The following ANKRD22 variants were observed in gnomAD, a reference collection of about 807,000 sequenced individuals.
ANKRD22 encodes ankyrin repeat domain 22.
In ANKRD22, 24 loss-of-function variants were observed where a neutral mutation model predicts 25.7. That is an observed-to-expected ratio of 0.93 (90% CI 0.68 to 1.31). The LOEUF (loss-of-function observed/expected upper bound fraction) is 1.31. Among genes scored for constraint, ANKRD22 ranks in the 50% most tolerant of loss-of-function variants. The pLI is 0.00. For synonymous variants in ANKRD22, 84 were observed against 84.3 expected (o/e 1.00, Z 0.02); for missense variants, 214 against 227.1 (o/e 0.94, Z 0.37).
In ANKRD22 at chr10:88,820,731, T is replaced by C. The variant is rs906805727; in HGVS notation, c.*2210A>G. 3.3e-5 allele frequency among the ~76,000 whole-genome samples: 5 copies of C among 152,352 alleles called. No homozygotes were observed. The East Asian group carries it at 9.6e-4, about 29-fold the overall frequency. On this transcript the variant is annotated 3_prime_UTR_variant, in exon 6 of 6. Transcript: ENST00000371930. ...TTCTACCATCTTGAAGGGTAGGTTT[T>C]ACCTGATAGCCAGAAAATATCTAGA...
At chr10:88,825,898 T>TG (rs1843851170) in intron 4 of ANKRD22, 140 bp downstream of exon 4, 1 of 687,736 alleles carries the variant, frequency 1.5e-6, no homozygotes, top group East Asian at 2.9e-5. Context: ...TGCCTGTCAG[T>TG]GGGAAAAAAA....
rs201744509 is a variant in ANKRD22, at chr10:88,826,061, C to T, written c.376G>A (p.Val126Ile). Residue 126 changes from valine (V) to isoleucine (I), a missense_variant, in exon 4 of 6, where the codon GTC becomes ATC. Val to Ile is a conservative substitution (Grantham distance 29). Coordinates refer to ENST00000371930, the MANE Select transcript of ANKRD22 (RefSeq NM_144590.3). ...ALVRMLLDAG[V>I]EVNATDCYGC... ...ACACAATCTGTAGCATTAACTTCGACGCCAGCATCAAGTAGCATTCGTACA... is the reference window on the plus strand; with the variant it reads ...ACACAATCTGTAGCATTAACTTCGATGCCAGCATCAAGTAGCATTCGTACA... The T allele has an allele frequency of 1.0e-4, 162 of 1,612,620 alleles. No homozygotes were observed. Among genetic ancestry groups the T allele is most frequent in the Admixed American group, 1.3e-4 (8 of 59,870 alleles).
chr10:88,822,544 C>CTTTGTTTTTTTTTTTTTTTTTTTTT lies in ANKRD22; in HGVS notation c.*396_*397insAAAAAAAAAAAAAAAAAAAAACAAA, dbSNP rs1843808574. The CTTTGTTTTTTTTTTTTTTTTTTTTT allele has an allele frequency of 8.2e-5, 3 of 36,438 alleles. No individual in the cohort carries two copies. The highest frequency in any genetic ancestry group is 7.3e-4 in the East Asian group (1 of 1,370). The allele number at this position is 36,438 out of a possible 1,614,324, so 2.3% of individuals were successfully genotyped here. ...AAAGACTGAGTTTGGAACACCAGGGCTTTTTTTTTTTTTTTTTTTTTTGAG... is the reference window on the plus strand; with the variant it reads ...AAAGACTGAGTTTGGAACACCAGGGCTTTGTTTTTTTTTTTTTTTTTTTTTTTTTTTTTTTTTTTTTTTTTTTGAG... On this transcript the variant is annotated 3_prime_UTR_variant, in exon 6 of 6. Coordinates refer to ENST00000371930, the MANE Select transcript of ANKRD22 (RefSeq NM_144590.3).
intron 1 of ANKRD22, among the ~76,000 whole-genome samples, chr10:88,847,179 A>C (rs1228037708): frequency 6.6e-6 from 1 of 152,058 alleles, no homozygotes; most frequent in Non-Finnish European, 1.5e-5. Context: ...TTTTTCATTA[A>C]CTTCAGCATA....
intron 1 of ANKRD22, among the ~76,000 whole-genome samples, chr10:88,833,612 CTA>C (rs1410830123): frequency 6.6e-6 from 1 of 152,152 alleles, no homozygotes; most frequent in Non-Finnish European, 1.5e-5. Context: ...AATAAGTGAA[CTA>C]TGTTATACTC....
At chr10:88,848,760 T>C (rs76240008) in intron 1 of ANKRD22, among the ~76,000 whole-genome samples, 4,337 of 152,278 alleles carry the variant, frequency 0.028, 79 homozygotes, top group Non-Finnish European at 0.041. Context: ...TGCTTGACTT[T>C]CAGTCCAATG....
chr10:88,835,234 T>G (rs1298666497), intron 1 of ANKRD22, among the ~76,000 whole-genome samples: 3 of 152,200 alleles, frequency 2.0e-5, no homozygotes, highest in Admixed American at 1.3e-4. Flanking sequence ...GAGGGCTTTC[T>G]CAACCCCATT....
chr10:88,844,939 C>T (rs1020782272), intron 1 of ANKRD22, among the ~76,000 whole-genome samples: 2 of 152,098 alleles, frequency 1.3e-5, no homozygotes, highest in African/African-American at 4.8e-5. Flanking sequence ...AGCTTTGAAC[C>T]TGTCTTTCTG....
intron 1 of ANKRD22, 141 bp from the exon 2 acceptor site, chr10:88,832,167 G>T: frequency 1.1e-6 from 1 of 905,138 alleles, no homozygotes; most frequent in Non-Finnish European, 1.6e-6. Context: ...AGATTTTTTG[G>T]TCTCAGTTAT....
intron 1 of ANKRD22, among the ~76,000 whole-genome samples, chr10:88,834,127 C>A (rs1263637994): frequency 1.3e-5 from 2 of 152,210 alleles, no homozygotes; most frequent in East Asian, 3.8e-4. Context: ...TTAAATAAAA[C>A]CTTCAGTGAC....
rs1009295673 is a variant in ANKRD22 at position 88,848,617 on chromosome 10, G to A, written c.21+2970C>T. Among the ~76,000 whole-genome samples, 68 of 152,070 alleles carry A rather than the reference G, an allele frequency of 4.5e-4. 5 individuals carry two copies. ...CCTTTCTCATATCACAGAATGACAC[G>A]ATGTTAAATGTGAAACCAGATCTCA... On this transcript the variant is annotated intron_variant, in intron 1 of 5. Coordinates refer to ENST00000371930, the MANE Select transcript of ANKRD22 (RefSeq NM_144590.3).
Position 88,820,594 on chromosome 10 carries a change from C to A in ANKRD22, c.*2347G>T. 7.9e-7 allele frequency: 1 copy of A among 1,260,016 alleles called. No homozygotes were observed. Among genetic ancestry groups the A allele is most frequent in the Non-Finnish European group, 1.1e-6 (1 of 936,870 alleles). 78.1% of individuals were successfully genotyped at this position (1,260,016 alleles called of 1,614,324 possible). On this transcript the variant is annotated 3_prime_UTR_variant, in exon 6 of 6. Transcript: ENST00000371930. Reference sequence around the variant, plus strand: ...TTACGGAGAGCAGAGACCTAGTATACATTTTTCAGATTCCCTGCACTTGGC... The same window carrying A: ...TTACGGAGAGCAGAGACCTAGTATAAATTTTTCAGATTCCCTGCACTTGGC...
intron 1 of ANKRD22, 55 bp from the exon 2 acceptor site, chr10:88,832,081 A>G (rs1843909702): frequency 6.7e-6 from 10 of 1,496,922 alleles, no homozygotes; most frequent in Admixed American, 2.3e-5. Flanking sequence ...TTAAACCACA[A>G]AAACGAAAAA....
chr10:88,825,995 C>A lies in ANKRD22; in HGVS notation c.399+43G>T. On this transcript the variant is annotated intron_variant, in intron 4 of 5. Coordinates refer to ENST00000371930, the MANE Select transcript of ANKRD22 (RefSeq NM_144590.3). ...TGACAAATACGCTACCTACAAATAC[C>A]ATTTTGAATATTTTTTCAAAATGGC... The A allele has an allele frequency of 2.7e-6, 4 of 1,496,990 alleles. No individual in the cohort carries two copies. In the South Asian group the frequency reaches 4.7e-5, roughly 17 times the overall value. The allele number at this position is 1,496,990 out of a possible 1,614,324, so 92.7% of individuals were successfully genotyped here. A position where few individuals can be genotyped will look rare whatever the true frequency, so the allele number is the denominator to read the frequency against.
At chr10:88,839,220 G>T (rs2133078210) in intron 1 of ANKRD22, among the ~76,000 whole-genome samples, 1 of 152,216 alleles carries the variant, frequency 6.6e-6, no homozygotes, top group South Asian at 2.1e-4. Context: ...GGACTTCCCT[G>T]ACCACTCAGC....
rs1444537777 is a variant in ANKRD22 at position 88,820,865 on chromosome 10, G to T, written c.*2076C>A. Among the ~76,000 whole-genome samples the T allele has an allele frequency of 1.3e-5, 2 of 152,060 alleles. No individual in the cohort carries two copies. The highest frequency in any genetic ancestry group is 4.8e-5 in the African/African-American group (2 of 41,414). On this transcript the variant is annotated 3_prime_UTR_variant, in exon 6 of 6. Transcript: ENST00000371930. The stretch of plus-strand genomic sequence containing the variant: ...ATGGCAAATTGGGACAGATATTGAG[G>T]TCTGGAGTCTGTGGATTATTGTTGA...
At position 88,820,419 on chromosome 10, in the gene ANKRD22, A is replaced by G. The variant is rs908288272; in HGVS notation, c.*2522T>C. Reference sequence around the variant, plus strand: ...TTCATCTGGGGTTTGGATGCTCCTCACCGTATGTACAATGAAATCATCCAT... The same window carrying G: ...TTCATCTGGGGTTTGGATGCTCCTCGCCGTATGTACAATGAAATCATCCAT... On this transcript the variant is annotated 3_prime_UTR_variant, in exon 6 of 6. Coordinates refer to ENST00000371930, the MANE Select transcript of ANKRD22 (RefSeq NM_144590.3). 3.2e-6 allele frequency: 5 copies of G among 1,552,116 alleles called. No individual in the cohort carries two copies. The highest frequency in any genetic ancestry group is 2.4e-5 in the East Asian group (1 of 40,922).
Position 88,822,026 on chromosome 10 carries a change from G to A in ANKRD22, c.*915C>T, listed in dbSNP as rs190738846. 8 of 152,230 alleles carry A rather than the reference G, an allele frequency of 5.3e-5. No homozygotes were observed. The highest frequency in any genetic ancestry group is 5.2e-4 in the Admixed American group (8 of 15,282). The allele number at this position is 152,230 out of a possible 1,614,324, so 9.4% of individuals were successfully genotyped here. On this transcript the variant is annotated 3_prime_UTR_variant, in exon 6 of 6. Coordinates refer to ENST00000371930, the MANE Select transcript of ANKRD22 (RefSeq NM_144590.3). ...TCAATAAAATAAACAAAACTAACAA[G>A]CTTGGCAACCACCTTGTATTTACAA...
At chr10:88,839,155 C>T (rs541771459) in intron 1 of ANKRD22, among the ~76,000 whole-genome samples, 24 of 152,270 alleles carry the variant, frequency 1.6e-4, no homozygotes, top group Non-Finnish European at 3.4e-4. Flanking sequence ...ACCTATATGG[C>T]GGGCTTCCTG....
Sources: allele counts gnomAD v4.1 joint callset (sites outside exome capture counted in the v4.1 genomes callset), GRCh38; gene constraint gnomAD v4.1.1; transcripts MANE v1.5; gene names NCBI Gene and HGNC (gene_info 2026-07-23, HGNC 2026-07-21).